The following FSTL4 variants were observed in gnomAD, a reference collection of about 807,000 sequenced individuals.
FSTL4 encodes follistatin like 4.
A neutral mutation model predicts 78.2 loss-of-function variants in FSTL4; 28 were observed. That is an observed-to-expected ratio of 0.36 (90% CI 0.27 to 0.49). The LOEUF is 0.49. FSTL4 is among the 20% of genes least tolerant of loss of function. The pLI is 0.98. For synonymous variants in FSTL4, 422 were observed against 440.5 expected (o/e 0.96, Z 0.53); for missense variants, 922 against 1,084.9 (o/e 0.85, Z 2.11).
At chr5:133,791,425 G>A in the FSTL4 span, among the ~76,000 whole-genome samples, 2 of 152,104 alleles carry the variant, frequency 1.3e-5, no homozygotes, top group Non-Finnish European at 2.9e-5. Flanking sequence ...CCCCTTGGTA[G>A]AAACTAAATT....
intron 4 of FSTL4, among the ~76,000 whole-genome samples, chr5:133,378,424 T>C (rs368571692): frequency 5.3e-5 from 8 of 152,278 alleles, no homozygotes; most frequent in Middle Eastern, 6.8e-3. Flanking sequence ...TATCAAATGA[T>C]AACTTGAATC....
At chr5:133,439,211 T>C (rs577086103) in intron 3 of FSTL4, among the ~76,000 whole-genome samples, 3 of 152,322 alleles carry the variant, frequency 2.0e-5, no homozygotes, top group East Asian at 1.9e-4. Context: ...ACAACGGGAA[T>C]AGAACAAGAG....
At chr5:133,398,442 C>T (rs1335156600) in intron 4 of FSTL4, among the ~76,000 whole-genome samples, 3 of 152,208 alleles carry the variant, frequency 2.0e-5, no homozygotes, top group African/African-American at 7.2e-5. Flanking sequence ...GTCTTCCTTA[C>T]CCACTCTCCA....
chr5:133,371,259 G>T (rs900149039), intron 4 of FSTL4, among the ~76,000 whole-genome samples: 1 of 152,240 alleles, frequency 6.6e-6, no homozygotes, highest in Non-Finnish European at 1.5e-5. Context: ...CTCTGACCAC[G>T]TAAGCTCTGC....
upstream of FSTL4, among the ~76,000 whole-genome samples, chr5:133,613,576 T>A (rs1695229546): frequency 2.0e-5 from 3 of 152,306 alleles, no homozygotes; most frequent in African/African-American, 4.8e-5. Flanking sequence ...TTCCACAGAT[T>A]TTCCTGCCGC....
intron 4 of FSTL4, among the ~76,000 whole-genome samples, chr5:133,369,470 A>C (rs942979924): frequency 1.3e-5 from 2 of 151,930 alleles, no homozygotes; most frequent in African/African-American, 2.4e-5. Context: ...GACTGAGAAA[A>C]CAGTAAGGCC....
chr5:133,701,468 A>AACACACACACACAC, the FSTL4 span, among the ~76,000 whole-genome samples: 239 of 129,078 alleles, frequency 1.9e-3, 1 homozygote, highest in East Asian at 7.2e-3. Flanking sequence ...AAGACACAGA[A>AACACACACACACAC]ACACACACAC....
the FSTL4 span, among the ~76,000 whole-genome samples, chr5:133,807,560 C>T: frequency 1.3e-5 from 2 of 152,180 alleles, no homozygotes; most frequent in African/African-American, 4.8e-5. Context: ...AACTCTGTTC[C>T]CTCTCTTTCC....
intron 4 of FSTL4, among the ~76,000 whole-genome samples, chr5:133,392,170 C>G (rs1271836216): frequency 6.6e-6 from 1 of 152,130 alleles, no homozygotes; most frequent in Non-Finnish European, 1.5e-5. Context: ...TAGAGGTCAT[C>G]CAGCCAGGAG....
chr5:133,523,944 T>C (rs1188255822), intron 3 of FSTL4, among the ~76,000 whole-genome samples: 1 of 152,178 alleles, frequency 6.6e-6, no homozygotes, highest in African/African-American at 2.4e-5. Flanking sequence ...GTGAAGAAGC[T>C]AAAACAAAGT....
chr5:133,356,438 T>C (rs1276164340), intron 4 of FSTL4, among the ~76,000 whole-genome samples: 1 of 152,090 alleles, frequency 6.6e-6, no homozygotes, highest in Non-Finnish European at 1.5e-5. Flanking sequence ...GGAAGAAGTA[T>C]GTCATGGAGA....
chr5:133,649,689 T>C, the FSTL4 span, among the ~76,000 whole-genome samples: 1 of 152,218 alleles, frequency 6.6e-6, no homozygotes, highest in Non-Finnish European at 1.5e-5. Context: ...TTGGCCCATT[T>C]TTTAATTATA....
the FSTL4 span, among the ~76,000 whole-genome samples, chr5:133,800,147 G>A: frequency 2.2e-5 from 3 of 139,070 alleles, 1 homozygote; most frequent in Non-Finnish European, 4.8e-5. Context: ...TTTAGGGAAA[G>A]GAGTTTACAA....
the FSTL4 span, among the ~76,000 whole-genome samples, chr5:133,782,856 C>A: frequency 6.6e-6 from 1 of 152,174 alleles, no homozygotes; most frequent in Non-Finnish European, 1.5e-5. Context: ...TGAGGACAAT[C>A]CAGGAAGCCC....
chr5:133,517,662 A>C (rs1007848481), intron 3 of FSTL4, among the ~76,000 whole-genome samples: 2 of 150,870 alleles, frequency 1.3e-5, no homozygotes, highest in Non-Finnish European at 3.0e-5. Flanking sequence ...GGAGAAATAG[A>C]TCTTTTTTAA....
chr5:133,785,939 C>A, the FSTL4 span, among the ~76,000 whole-genome samples: 1 of 152,182 alleles, frequency 6.6e-6, no homozygotes, highest in African/African-American at 2.4e-5. Flanking sequence ...CTGCTGTTAG[C>A]CAGGAGGTAG....
chr5:133,664,319 T>TAAAA, the FSTL4 span, among the ~76,000 whole-genome samples: 2 of 135,022 alleles, frequency 1.5e-5, no homozygotes, highest in African/African-American at 5.9e-5. Flanking sequence ...TCTTTTTTTT[T>TAAAA]TAAAAAAAAT....
chr5:133,432,417 T>C (rs1050433050), intron 3 of FSTL4, among the ~76,000 whole-genome samples: 2 of 152,326 alleles, frequency 1.3e-5, no homozygotes, highest in Admixed American at 6.5e-5. Context: ...AACTTTCAAA[T>C]AGACATGCAC....
chr5:133,790,887 C>T, the FSTL4 span, among the ~76,000 whole-genome samples: 33 of 152,352 alleles, frequency 2.2e-4, no homozygotes, highest in Admixed American at 5.2e-4. Flanking sequence ...CTGACTGGCT[C>T]CCTGAGTCCA....
Sources: gnomAD v4.1 joint callset for allele counts (sites outside exome capture counted in the v4.1 genomes callset) on GRCh38, gnomAD v4.1.1 for gene constraint, MANE v1.5 for transcripts, NCBI Gene and HGNC (gene_info 2026-07-23, HGNC 2026-07-21) for gene names.